Variants in DISC1 observed in about 807,000 individuals in gnomAD.
The protein encoded by DISC1 is DISC1 scaffold protein.
In DISC1, 57 loss-of-function variants were observed where a neutral mutation model predicts 84.5. That is an observed-to-expected ratio of 0.67 (90% CI 0.55 to 0.84). The LOEUF (loss-of-function observed/expected upper bound fraction) is 0.84. DISC1 is among the 40% of genes least tolerant of loss of function. DISC1 has a pLI of 0.00. For synonymous variants in DISC1, 411 were observed against 415.2 expected, an observed-to-expected ratio of 0.99 and a Z score of 0.12; for missense variants, 1,000 against 1,057.8, an observed-to-expected ratio of 0.95 and a Z score of 0.76.
chr1:231,808,744 A>T (rs971560423), intron 8 of DISC1, among the ~76,000 whole-genome samples: 4 of 152,150 alleles, frequency 2.6e-5, no homozygotes, highest in African/African-American at 7.2e-5. Context: ...TCCTGTGTTC[A>T]GTTTATGCCC....
intron 1 of DISC1, among the ~76,000 whole-genome samples, chr1:231,692,723 C>G (rs2065197150): frequency 6.6e-6 from 1 of 152,184 alleles, no homozygotes; most frequent in African/African-American, 2.4e-5. Flanking sequence ...GATGAGAGCT[C>G]TGTGTGGGCC....
chr1:231,894,311 A>C (rs1383762453), intron 9 of DISC1, among the ~76,000 whole-genome samples: 1 of 152,234 alleles, frequency 6.6e-6, no homozygotes, highest in Non-Finnish European at 1.5e-5. Flanking sequence ...GTAGATGCTA[A>C]CATTTTACCA....
intron 9 of DISC1, among the ~76,000 whole-genome samples, chr1:231,834,197 A>G (rs1158251801): frequency 6.6e-6 from 1 of 152,152 alleles, no homozygotes; most frequent in Admixed American, 6.5e-5. Flanking sequence ...TGTAAGCCAG[A>G]CCGGGTGTAA....
chr1:231,658,748 G>C (rs1309196974), intron 1 of DISC1, among the ~76,000 whole-genome samples: 1 of 152,144 alleles, frequency 6.6e-6, no homozygotes, highest in Non-Finnish European at 1.5e-5. Context: ...TGTGGTTTTT[G>C]TCTTTAGTTC....
At chr1:231,639,730 A>C (rs1005512416) in intron 1 of DISC1, among the ~76,000 whole-genome samples, 1 of 152,018 alleles carries the variant, frequency 6.6e-6, no homozygotes, top group Non-Finnish European at 1.5e-5. Flanking sequence ...TGAAGGTCCA[A>C]TGTGATCAGT....
intron 3 of DISC1, chr1:231,723,836 G>A (rs559591962): frequency 1.0e-6 from 1 of 985,378 alleles, no homozygotes; most frequent in Non-Finnish European, 1.2e-6. Flanking sequence ...TGGTTGTGGG[G>A]TGGGCTACAT....
intron 3 of DISC1, chr1:231,745,502 A>C: frequency 4.3e-6 from 1 of 230,080 alleles, no homozygotes; most frequent in Middle Eastern, 5.4e-4. Flanking sequence ...GATTACAGGT[A>C]TGAGCCACCG....
chr1:231,774,134 G>A (rs1178577024), intron 6 of DISC1, among the ~76,000 whole-genome samples: 1 of 152,022 alleles, frequency 6.6e-6, no homozygotes, highest in Admixed American at 6.6e-5. Context: ...TGTACTTGTA[G>A]TCCTAGCTAC....
chr1:231,958,069 A>G (rs1416880286), intron 9 of DISC1, among the ~76,000 whole-genome samples: 1 of 152,242 alleles, frequency 6.6e-6, no homozygotes, highest in Admixed American at 6.5e-5. Flanking sequence ...ACCATTTGCT[A>G]GAAACCCCTT....
intron 9 of DISC1, among the ~76,000 whole-genome samples, chr1:231,881,811 A>AAATTTTG (rs1001714657): frequency 6.6e-6 from 1 of 152,188 alleles, no homozygotes; most frequent in Non-Finnish European, 1.5e-5. Flanking sequence ...GAACACCCAG[A>AAATTTTG]AATTTTGAAG....
chr1:231,689,900 GTGAAGCCCTGT>G (rs2064781320), intron 1 of DISC1, among the ~76,000 whole-genome samples: 1 of 152,126 alleles, frequency 6.6e-6, no homozygotes, highest in Admixed American at 6.5e-5. Flanking sequence ...TGGACAATTG[GTGAAGCCCTGT>G]TGACTGGGTG....
intron 10 of DISC1, among the ~76,000 whole-genome samples, chr1:232,008,228 T>A (rs180841048): frequency 2.8e-4 from 43 of 152,178 alleles, no homozygotes; most frequent in Admixed American, 2.8e-3. Flanking sequence ...AAAACAATAA[T>A]CACATAAATA....
At chr1:231,706,571 T>C (rs1279213745) in intron 3 of DISC1, among the ~76,000 whole-genome samples, 1 of 152,240 alleles carries the variant, frequency 6.6e-6, no homozygotes, top group African/African-American at 2.4e-5. Context: ...CAGTGACTTA[T>C]ATCAATGTGA....
chr1:231,671,992 G>C (rs1216261434), intron 1 of DISC1, among the ~76,000 whole-genome samples: 3 of 152,200 alleles, frequency 2.0e-5, no homozygotes, highest in Non-Finnish European at 4.4e-5. Context: ...ATTTCAGTGG[G>C]TTTCACAGAG....
At chr1:231,751,414 T>C (rs1271056600) in intron 4 of DISC1, among the ~76,000 whole-genome samples, 2 of 152,280 alleles carry the variant, frequency 1.3e-5, no homozygotes, top group Non-Finnish European at 2.9e-5. Flanking sequence ...ACTCATTTAA[T>C]TTATTTCCAT....
At chr1:231,866,342 T>G (rs917621543) in intron 9 of DISC1, among the ~76,000 whole-genome samples, 1 of 152,182 alleles carries the variant, frequency 6.6e-6, no homozygotes, top group Admixed American at 6.5e-5. Flanking sequence ...CAGAGATTTC[T>G]CATCTACAAA....
intron 7 of DISC1, among the ~76,000 whole-genome samples, chr1:231,797,877 G>C (rs2125625216): frequency 6.6e-6 from 1 of 152,144 alleles, no homozygotes; most frequent in South Asian, 2.1e-4. Flanking sequence ...GGATACACAG[G>C]TTTTCCGGGG....
At chr1:231,896,333 C>T (rs1315438187) in intron 9 of DISC1, among the ~76,000 whole-genome samples, 1 of 152,182 alleles carries the variant, frequency 6.6e-6, no homozygotes, top group Non-Finnish European at 1.5e-5. Flanking sequence ...CAGCATAAAA[C>T]AGCTGCCCAT....
intron 10 of DISC1, among the ~76,000 whole-genome samples, chr1:232,001,359 G>A (rs9431755): frequency 6.6e-6 from 1 of 151,782 alleles, no homozygotes; most frequent in Non-Finnish European, 1.5e-5. Context: ...GATTACACAC[G>A]TGAGCCACCA....
Sources: allele counts gnomAD v4.1 joint callset (sites outside exome capture counted in the v4.1 genomes callset), GRCh38; gene constraint gnomAD v4.1.1; transcripts MANE v1.5; gene names NCBI Gene and HGNC (gene_info 2026-07-23, HGNC 2026-07-21).